FAM120B: variants seen among roughly 807,000 people sequenced by gnomAD.
FAM120B encodes the protein constitutive coactivator of peroxisome proliferator-activated receptor gamma.
FAM120B carries 83 observed loss-of-function variants against 96.3 expected under a neutral mutation model. The ratio of observed to expected loss-of-function variants is 0.86; its 90% CI spans 0.72 to 1.03. The LOEUF (loss-of-function observed/expected upper bound fraction) is 1.03, where lower values mean the gene tolerates loss of function less well. Among genes scored for constraint, FAM120B ranks in the 50% least tolerant of loss-of-function variants. The pLI, the probability that FAM120B is intolerant of heterozygous loss-of-function variation, is 0.00. For synonymous variants in FAM120B, 407 were observed against 402.7 expected (o/e 1.01, Z -0.13); for missense variants, 1,027 against 1,121.2 (o/e 0.92, Z 1.20).
chr6:170,310,495 A>G (rs1181819630), intron 1 of FAM120B, among the ~76,000 whole-genome samples: 1 of 152,214 alleles, frequency 6.6e-6, no homozygotes, highest in African/African-American at 2.4e-5. Flanking sequence ...GGCCTAGTGA[A>G]AGGCAGCTGG....
intron 6 of FAM120B, among the ~76,000 whole-genome samples, chr6:170,358,732 A>G (rs1788139218): frequency 6.6e-6 from 1 of 152,220 alleles, no homozygotes; most frequent in Non-Finnish European, 1.5e-5. Context: ...TGGCTGTGGC[A>G]AGCGTTCAGT....
At chr6:170,344,251 A>G (rs1403935150) in intron 4 of FAM120B, among the ~76,000 whole-genome samples, 2 of 98,770 alleles carry the variant, frequency 2.0e-5, no homozygotes, top group Non-Finnish European at 4.1e-5. Flanking sequence ...CCACCTTGGA[A>G]GAACGGATGA....
chr6:170,405,342 C>G lies in FAM120B; in HGVS notation c.*591C>G, dbSNP rs1014422960. 2 of 152,220 alleles carry G rather than the reference C, an allele frequency of 1.3e-5. No individual in the cohort carries two copies. The highest frequency in any genetic ancestry group is 2.4e-5 in the African/African-American group (1 of 41,450). 9.4% of individuals were successfully genotyped at this position (152,220 alleles called of 1,614,324 possible). On this transcript the variant is annotated 3_prime_UTR_variant, in exon 11 of 11. Coordinates refer to ENST00000476287, the MANE Select transcript of FAM120B (RefSeq NM_032448.3). ...CTAATAAAAGCTATGTGAATGTGGT[C>G]TCTGTCAAAATATCGTGCTGTAATC...
chr6:170,329,594 C>CTT (rs79859130), intron 3 of FAM120B, among the ~76,000 whole-genome samples: 1 of 147,166 alleles, frequency 6.8e-6, no homozygotes, highest in Non-Finnish European at 1.5e-5. Flanking sequence ...TTTTTACCGA[C>CTT]TTTTTTTTTT....
chr6:170,301,465 C>T (rs1784139519), intron 1 of FAM120B, among the ~76,000 whole-genome samples: 2 of 152,268 alleles, frequency 1.3e-5, no homozygotes, highest in Non-Finnish European at 2.9e-5. Flanking sequence ...ACCCTGGAGA[C>T]ATTTTCCCCA....
chr6:170,323,097 G>A lies in FAM120B; in HGVS notation c.1753G>A (p.Val585Ile), dbSNP rs552822243. The change falls in exon 3 of 11, where the codon GTC (valine) becomes ATC (isoleucine). Residue 585 changes from valine to isoleucine, a missense_variant. Physicochemically the swap from Val to Ile is conservative, Grantham distance 29. Around this residue, in one of 3 missense-constraint regions of FAM120B, gnomAD observed 880 missense variants for 980.9 expected, o/e 0.90. Transcript: ENST00000476287. Reference sequence around the variant, plus strand: ...CAAACAGGTTGCTAGAACACATCACGTCCAAGCAGAAAGCTACCTGGTGTA... The same window carrying A: ...CAAACAGGTTGCTAGAACACATCACATCCAAGCAGAAAGCTACCTGGTGTA... ...EILKVARTHH[V>I]QAESYLVYNI... 17 of 1,612,996 alleles carry A rather than the reference G, an allele frequency of 1.1e-5. No individual in the cohort carries two copies. The highest frequency in any genetic ancestry group is 5.3e-5 in the African/African-American group (4 of 74,974).
At position 170,357,390 on chromosome 6, in the gene FAM120B, C is replaced by T. The variant is rs78405077; in HGVS notation, c.2191-836C>T. 1.7e-4 allele frequency among the ~76,000 whole-genome samples: 26 copies of T among 152,258 alleles called. 1 individual carries two copies. The East Asian group carries it at 5.0e-3, about 30-fold the overall frequency. ...CCGTCCGTGTCTTCCCCGCTCTTCACGCCCTCTCCTTATCTCCATCATCTA... is the reference window on the plus strand; with the variant it reads ...CCGTCCGTGTCTTCCCCGCTCTTCATGCCCTCTCCTTATCTCCATCATCTA... On this transcript the variant is annotated intron_variant, in intron 5 of 10. Coordinates refer to ENST00000476287, the MANE Select transcript of FAM120B (RefSeq NM_032448.3).
chr6:170,406,870 C>T lies in FAM120B; in HGVS notation c.*2119C>T, dbSNP rs1024581730. 6.6e-6 allele frequency: 1 copy of T among 152,100 alleles called. No homozygotes were observed. Among genetic ancestry groups the T allele is most frequent in the African/African-American group, 2.4e-5 (1 of 41,414 alleles). 9.4% of individuals were successfully genotyped at this position (152,100 alleles called of 1,614,324 possible). A position where few individuals can be genotyped will look rare whatever the true frequency, so the allele number is the denominator to read the frequency against. On this transcript the variant is annotated 3_prime_UTR_variant, in exon 11 of 11. Coordinates refer to ENST00000476287, the MANE Select transcript of FAM120B (RefSeq NM_032448.3). ...TCATAATACCTAAATTCTAGTTTGT[C>T]AGTAAAATATTTGTGTTTGGTTAAC... is the stretch of plus-strand genomic sequence containing the variant.
chr6:170,295,880 C>T lies in FAM120B; in HGVS notation c.48+427C>T, dbSNP rs901539440. ...CCCGGGGCCGAGGCCAGGCCCGCTG[C>T]GAGCAGCGGAGGCATGTGCTGATTT... On this transcript the variant is annotated intron_variant, in intron 1 of 10. Coordinates refer to the FAM120B transcript ENST00000537664. This position sits in a 1 kb window ranked among gnomAD's most constrained non-coding sequence, Gnocchi z 7.8. Among the ~76,000 whole-genome samples the T allele has an allele frequency of 2.0e-5, 3 of 152,036 alleles. No individual in the cohort carries two copies. The highest frequency in any genetic ancestry group is 7.2e-5 in the African/African-American group (3 of 41,438).
chr6:170,372,219 AT>A (rs971645002), intron 6 of FAM120B, among the ~76,000 whole-genome samples: 1 of 152,058 alleles, frequency 6.6e-6, no homozygotes. Flanking sequence ...TTTAAGAATG[AT>A]TTTTTATACT....
intron 8 of FAM120B, among the ~76,000 whole-genome samples, chr6:170,393,140 T>C (rs1264221831): frequency 9.3e-6 from 1 of 108,010 alleles, no homozygotes; most frequent in Non-Finnish European, 1.9e-5. Flanking sequence ...AGCGAGACCC[T>C]GTCTTTACAA....
chr6:170,383,010 G>A (rs1468360136), intron 6 of FAM120B, among the ~76,000 whole-genome samples: 1 of 151,390 alleles, frequency 6.6e-6, no homozygotes, highest in South Asian at 2.1e-4. Flanking sequence ...ACCACCAGTG[G>A]ATTTGGACAA....
intron 9 of FAM120B, among the ~76,000 whole-genome samples, chr6:170,395,877 T>G (rs562301245): frequency 3.9e-4 from 60 of 152,342 alleles, no homozygotes; most frequent in Non-Finnish European, 7.1e-4. Flanking sequence ...AAAGTTTACA[T>G]GTGGAAGATC....
chr6:170,391,098 C>T lies in FAM120B; in HGVS notation c.2576C>T (p.Ala859Val), dbSNP rs375566277. The T allele has an allele frequency of 1.4e-5, 22 of 1,614,038 alleles. No homozygotes were observed. In the African/African-American group the frequency reaches 2.3e-4, roughly 17 times the overall value. Residue 859 changes from alanine (A) to valine (V), a missense_variant, in exon 8 of 11, where the codon GCC (alanine) becomes GTC (valine). Ala to Val is a moderately conservative substitution (Grantham distance 64). This residue lies in a region of FAM120B where 142 missense variants were observed against 122.5 expected (regional missense o/e 1.16). Coordinates refer to ENST00000476287, the MANE Select transcript of FAM120B (RefSeq NM_032448.3). ...MKENRRITGR[A>V]HWGSHHAGRW... ...GAGAACAGACGCATCACTGGCCGAG[C>T]CCACTGGGGCTCACACCACGCAGGT...
upstream of FAM120B, among the ~76,000 whole-genome samples, chr6:170,305,547 G>A (rs1219675026): frequency 6.6e-6 from 1 of 152,182 alleles, no homozygotes; most frequent in Non-Finnish European, 1.5e-5. Flanking sequence ...AACAATATTT[G>A]ACCATTTTAC....
At chr6:170,345,240 C>G (rs1171322692) in intron 4 of FAM120B, among the ~76,000 whole-genome samples, 1 of 152,146 alleles carries the variant, frequency 6.6e-6, no homozygotes, top group African/African-American at 2.4e-5. Context: ...GCCCAATGTT[C>G]CCACCAGTCT....
chr6:170,309,590 C>T (rs547938690), intron 1 of FAM120B, among the ~76,000 whole-genome samples: 22 of 152,222 alleles, frequency 1.4e-4, no homozygotes, highest in African/African-American at 4.1e-4. Context: ...TGTGCACATC[C>T]GTATATATCT....
intron 6 of FAM120B, among the ~76,000 whole-genome samples, chr6:170,365,533 A>G (rs1350456984): frequency 1.3e-5 from 2 of 152,266 alleles, no homozygotes. Context: ...ATGATAGCAG[A>G]TGCTGAAGCA....
At chr6:170,296,866 C>T (rs1215300100) in intron 1 of FAM120B, among the ~76,000 whole-genome samples, 7 of 152,190 alleles carry the variant, frequency 4.6e-5, no homozygotes, top group African/African-American at 1.7e-4. Flanking sequence ...CGAGGCGTCG[C>T]ACCTGGAAAT....
Sources: gnomAD v4.1 joint callset for allele counts (sites outside exome capture counted in the v4.1 genomes callset) on GRCh38, gnomAD v4.1.1 for gene constraint, gnomAD v4.1.1 regional missense constraint, Gnocchi (gnomAD v3.1) non-coding constraint, MANE v1.5 for transcripts, NCBI Gene and HGNC (gene_info 2026-07-23, HGNC 2026-07-21) for gene names.